RANBP9: variants seen among roughly 807,000 people sequenced by gnomAD.
RANBP9 encodes RAN binding protein 9, also known as ran-binding protein 9.
Under a neutral mutation model 84.3 loss-of-function variants are expected in RANBP9, and 15 were observed. The ratio of observed to expected loss-of-function variants is 0.18; its 90% CI spans 0.12 to 0.27. The LOEUF (loss-of-function observed/expected upper bound fraction) is 0.27. Among genes scored for constraint, RANBP9 ranks in the 10% least tolerant of loss-of-function variants. The pLI, the probability that RANBP9 is intolerant of heterozygous loss-of-function variation, is 1.00. For missense variants in RANBP9, 809 were observed against 912.8 expected (o/e 0.89, Z 1.46); for synonymous variants, 392 against 349.6 (o/e 1.12, Z -1.35).
chr6:13,706,241 G>T (rs1758117534), intron 1 of RANBP9, among the ~76,000 whole-genome samples: 1 of 152,194 alleles, frequency 6.6e-6, no homozygotes, highest in South Asian at 2.1e-4. Context: ...CTACTTGGAA[G>T]GCTGAGGCAG....
chr6:13,642,791 A>G (rs1277852274), intron 6 of RANBP9, among the ~76,000 whole-genome samples, 200 bp from the exon 7 acceptor site: 1 of 152,226 alleles, frequency 6.6e-6, no homozygotes, highest in African/African-American at 2.4e-5. Flanking sequence ...TCGAAAAGAT[A>G]ACTGCAAATG....
chr6:13,700,788 G>A (rs1353994718), intron 1 of RANBP9, among the ~76,000 whole-genome samples: 3 of 152,004 alleles, frequency 2.0e-5, no homozygotes, highest in Non-Finnish European at 4.4e-5. Context: ...CTGTAATATC[G>A]GGCACAGTGA....
Position 13,711,131 on chromosome 6 carries a change from C to T in RANBP9, c.375G>A (p.Ala125=). The T allele has an allele frequency of 1.3e-6, 2 of 1,540,878 alleles. No homozygotes were observed. The highest frequency in any genetic ancestry group is 1.7e-6 in the Non-Finnish European group (2 of 1,144,762). The change falls in exon 1 of 14, where the codon GCG becomes GCA. Residue 125 remains alanine, a synonymous_variant. Transcript: ENST00000011619. ...AGGAPTPALV[A]GSSAAAPFPH... ...GGAAGGGGGCCGCGGCGCTGCTGCC[C>T]GCCACCAGAGCTGGGGTCGGGGCTC...
Position 13,639,472 on chromosome 6 carries a change from C to T in RANBP9, c.1525+91G>A, listed in dbSNP as rs1765012902. The T allele has an allele frequency of 2.9e-6, 4 of 1,378,656 alleles. No individual in the cohort carries two copies. In the South Asian group the frequency reaches 4.1e-5, roughly 14 times the overall value. 85.4% of individuals were successfully genotyped at this position (1,378,656 alleles called of 1,614,324 possible). ...GGATTACAAGCGTGAGCCACCGTGC[C>T]CAGCTGGAAATATACAGATTTTCAA... On this transcript the variant is annotated intron_variant, in intron 9 of 13. Transcript: ENST00000011619.
intron 1 of RANBP9, 93 bp downstream of exon 1, chr6:13,710,842 G>A (rs1393834323): frequency 3.6e-6 from 5 of 1,369,904 alleles, no homozygotes; most frequent in Non-Finnish European, 4.9e-6. Flanking sequence ...AGCCCGCGAG[G>A]GCGGGGGTCG....
chr6:13,676,431 G>A (rs1452718121), intron 2 of RANBP9, among the ~76,000 whole-genome samples: 1 of 152,000 alleles, frequency 6.6e-6, no homozygotes, highest in Non-Finnish European at 1.5e-5. Flanking sequence ...TACACTCAGA[G>A]GGTACACTTT....
At position 13,626,158 on chromosome 6, in the gene RANBP9, T is replaced by C. The variant is rs184231689; in HGVS notation, c.1948-394A>G. Among the ~76,000 whole-genome samples the C allele has an allele frequency of 3.2e-4, 48 of 152,218 alleles. 1 individual carries two copies. Among genetic ancestry groups the C allele is most frequent in the Non-Finnish European group, 6.5e-4 (44 of 68,036 alleles). On this transcript the variant is annotated intron_variant, in intron 12 of 13. Transcript: ENST00000011619. ...GGACAGGGCCTGTCTGCATTTCCTT[T>C]TTTCAACAGATTTAGGAACTGGACA...
chr6:13,683,707 ATTTG>A (rs1212436609), intron 2 of RANBP9, among the ~76,000 whole-genome samples: 3 of 151,946 alleles, frequency 2.0e-5, no homozygotes, highest in South Asian at 2.1e-4. Context: ...ATTTCACAGG[ATTTG>A]TTTATTTGAT....
At chr6:13,695,401 GTTTTTTTT>G (rs773285024) in intron 2 of RANBP9, among the ~76,000 whole-genome samples, 4 of 84,802 alleles carry the variant, frequency 4.7e-5, no homozygotes, top group East Asian at 4.5e-4. Flanking sequence ...CCAACCAAAT[GTTTTTTTT>G]TTTTTTTTTT....
intron 2 of RANBP9, among the ~76,000 whole-genome samples, chr6:13,694,816 C>T (rs1766404681): frequency 6.6e-6 from 1 of 152,022 alleles, no homozygotes; most frequent in African/African-American, 2.4e-5. Context: ...CACTGAGTAG[C>T]CCTCTCAATT....
rs368142762 is a variant in RANBP9, at chr6:13,639,748, C to T, written c.1340G>A (p.Arg447His). The part of the protein sequence containing the change: ...NPNLLFTLKV[R>H]QFIEMVNGTD... The stretch of plus-strand genomic sequence containing the variant: ...ACCATTCACCATTTCTATAAACTGA[C>T]GCACTCTAAAGGAGAAAAGAAAAAT... Residue 447 changes from arginine (R) to histidine (H), a missense_variant, in exon 9 of 14, where the codon CGT becomes CAT. Physicochemically the swap from Arg to His is conservative, Grantham distance 29. This residue lies in a region of RANBP9 where 216 missense variants were observed against 329.0 expected (regional missense o/e 0.66). Transcript: ENST00000011619. 1.1e-5 allele frequency: 17 copies of T among 1,612,972 alleles called. No individual in the cohort carries two copies. The highest frequency in any genetic ancestry group is 3.3e-5 in the South Asian group (3 of 90,990).
In RANBP9 at chr6:13,705,868, C is replaced by CA. The variant is rs767070995; in HGVS notation, c.571+5066dup. Reference sequence around the variant, plus strand: ...TGGGCGACAGAGCAAGACTCCGTCTCAAAAAAAAAAAAAAAAAAGAAACAT... The same window carrying CA: ...TGGGCGACAGAGCAAGACTCCGTCTCAAAAAAAAAAAAAAAAAAAGAAACAT... On this transcript the variant is annotated intron_variant, in intron 1 of 13. Coordinates refer to ENST00000011619, the MANE Select transcript of RANBP9 (RefSeq NM_005493.3). 9.4e-3 allele frequency among the ~76,000 whole-genome samples: 723 copies of CA among 76,608 alleles called. 33 individuals carry two copies. The highest frequency in any genetic ancestry group is 0.024 in the African/African-American group (448 of 18,864). The allele number at this position is 76,608 out of a possible 152,430, so 50.3% of individuals were successfully genotyped here.
At chr6:13,704,591 A>C (rs1181395602) in intron 1 of RANBP9, among the ~76,000 whole-genome samples, 1 of 151,922 alleles carries the variant, frequency 6.6e-6, no homozygotes. Context: ...AGATCGCACC[A>C]CTGCATTCTA....
intron 2 of RANBP9, among the ~76,000 whole-genome samples, chr6:13,659,988 C>T (rs1335838136): frequency 6.6e-6 from 1 of 151,986 alleles, no homozygotes; most frequent in Non-Finnish European, 1.5e-5. Flanking sequence ...CATAGAAAAC[C>T]ACAGAATCTA....
intron 2 of RANBP9, among the ~76,000 whole-genome samples, chr6:13,682,934 T>C (rs530148179): frequency 8.5e-4 from 129 of 152,274 alleles, no homozygotes; most frequent in Middle Eastern, 6.8e-3. Flanking sequence ...AAAGTAAATA[T>C]AGCAAAATCT....
chr6:13,674,482 G>C (rs1191136918), intron 2 of RANBP9, among the ~76,000 whole-genome samples: 1 of 152,192 alleles, frequency 6.6e-6, no homozygotes, highest in Non-Finnish European at 1.5e-5. Flanking sequence ...TAATTGTCAA[G>C]GGTCGTGATC....
intron 12 of RANBP9, among the ~76,000 whole-genome samples, chr6:13,627,124 A>G (rs1402306095): frequency 1.3e-5 from 2 of 152,188 alleles, no homozygotes; most frequent in African/African-American, 4.8e-5. Flanking sequence ...TACTATTTTG[A>G]ATCCCCTGAA....
At chr6:13,679,772 A>C (rs934802572) in intron 2 of RANBP9, among the ~76,000 whole-genome samples, 18 of 152,160 alleles carry the variant, frequency 1.2e-4, no homozygotes, top group African/African-American at 3.6e-4. Flanking sequence ...ACTTGTACCA[A>C]ATGAGATGTA....
chr6:13,641,968 T>C (rs1765075280), intron 7 of RANBP9, among the ~76,000 whole-genome samples: 1 of 152,162 alleles, frequency 6.6e-6, no homozygotes, highest in Admixed American at 6.5e-5. Context: ...ACAGCACCAA[T>C]TTTAGGATGG....
Sources: allele counts gnomAD v4.1 joint callset (sites outside exome capture counted in the v4.1 genomes callset), GRCh38; gene constraint gnomAD v4.1.1; regional missense constraint gnomAD v4.1.1; transcripts MANE v1.5; gene names NCBI Gene and HGNC (gene_info 2026-07-23, HGNC 2026-07-21).